Variants in GTF2E2 observed in about 807,000 individuals in gnomAD.
GTF2E2 encodes the protein general transcription factor IIE subunit 2.
GTF2E2 carries 21 observed loss-of-function variants against 40.5 expected under a neutral mutation model. The ratio of observed to expected loss-of-function variants is 0.52; its 90% CI spans 0.37 to 0.75. The LOEUF (loss-of-function observed/expected upper bound fraction) is 0.75. Among genes scored for constraint, GTF2E2 ranks in the 30% least tolerant of loss-of-function variants. The pLI is 0.00. For synonymous variants in GTF2E2, 117 were observed against 121.6 expected (o/e 0.96, Z 0.25); for missense variants, 298 against 338.4 (o/e 0.88, Z 0.94).
At chr8:30,613,299 C>G (rs953361026) in intron 4 of GTF2E2, among the ~76,000 whole-genome samples, 6 of 152,138 alleles carry the variant, frequency 3.9e-5, no homozygotes, top group African/African-American at 1.4e-4. Context: ...CTGAAAAGGA[C>G]CAGACTAGTG....
At position 30,653,646 on chromosome 8, in the gene GTF2E2, T is replaced by C. The variant is rs562283023; in HGVS notation, c.-4-44A>G. The C allele has an allele frequency of 7.9e-6, 11 of 1,389,126 alleles. No homozygotes were observed. In the South Asian group the frequency reaches 1.3e-4, roughly 17 times the overall value. 86.1% of individuals were successfully genotyped at this position (1,389,126 alleles called of 1,614,324 possible). A position where few individuals can be genotyped will look rare whatever the true frequency, so the allele number is the denominator to read the frequency against. On this transcript the variant is annotated intron_variant, in intron 1 of 7. Coordinates refer to ENST00000355904, the MANE Select transcript of GTF2E2 (RefSeq NM_002095.6). ...TGTCTTTAATACAAATTCAAGTCAC[T>C]CAAACCTGCACTCCAAATCCACAGA... is the stretch of plus-strand genomic sequence containing the variant.
chr8:30,630,032 T>C lies in GTF2E2; in HGVS notation c.258+5000A>G, dbSNP rs1015767359. ...ATCCTAAGGGGATTTTCGAGATAAC[T>C]TGGAGTGCTTTTAAAACTTACTCCT... On this transcript the variant is annotated intron_variant, in intron 3 of 7. Transcript: ENST00000355904. 3.9e-5 allele frequency among the ~76,000 whole-genome samples: 6 copies of C among 152,238 alleles called. No individual in the cohort carries two copies. In the East Asian group the frequency reaches 9.6e-4, roughly 24 times the overall value.
At chr8:30,647,805 C>T (rs937464801) in intron 2 of GTF2E2, among the ~76,000 whole-genome samples, 6 of 152,152 alleles carry the variant, frequency 3.9e-5, no homozygotes, top group Non-Finnish European at 7.4e-5. Context: ...GGTAAGTATA[C>T]AAGTCCTTTA....
intron 3 of GTF2E2, among the ~76,000 whole-genome samples, chr8:30,630,145 G>A (rs1412569554): frequency 6.6e-6 from 1 of 152,058 alleles, no homozygotes; most frequent in Admixed American, 6.6e-5. Flanking sequence ...TCTTAACCAG[G>A]TCACTGAACA....
chr8:30,616,510 G>C (rs947828910), intron 3 of GTF2E2, among the ~76,000 whole-genome samples: 7 of 152,050 alleles, frequency 4.6e-5, no homozygotes, highest in Non-Finnish European at 7.4e-5. Flanking sequence ...GGGAGAGGAT[G>C]AACAAGCAGA....
chr8:30,622,068 T>C (rs1200902884), intron 3 of GTF2E2, among the ~76,000 whole-genome samples: 2 of 151,814 alleles, frequency 1.3e-5, no homozygotes, highest in East Asian at 3.9e-4. Flanking sequence ...TGGTGTGCTG[T>C]ACCCACTAAC....
chr8:30,606,051 G>C (rs1563483578), intron 6 of GTF2E2, among the ~76,000 whole-genome samples: 1 of 152,174 alleles, frequency 6.6e-6, no homozygotes, highest in Non-Finnish European at 1.5e-5. Flanking sequence ...AAATCGCCAG[G>C]CAGTACTGAA....
rs533700897 is a variant in GTF2E2 at position 30,622,608 on chromosome 8, C to T, written c.259-7893G>A. Among the ~76,000 whole-genome samples, 12 of 152,094 alleles carry T rather than the reference C, an allele frequency of 7.9e-5. No homozygotes were observed. The South Asian group carries it at 2.5e-3, about 32-fold the overall frequency. ...ACCAAAATTTATTGGGCGGGAATTT[C>T]CTCGTCCTAATAAGCCTGGGAGCAC... is the stretch of plus-strand genomic sequence containing the variant. On this transcript the variant is annotated intron_variant, in intron 3 of 7. Coordinates refer to ENST00000355904, the MANE Select transcript of GTF2E2 (RefSeq NM_002095.6).
rs1563513732 is a variant in GTF2E2, at chr8:30,653,538, CAGG to C, written c.58_60del (p.Pro20del). 3 of 1,613,238 alleles carry C rather than the reference CAGG, an allele frequency of 1.9e-6. No individual in the cohort carries two copies. Among genetic ancestry groups the C allele is most frequent in the Non-Finnish European group, 2.5e-6 (3 of 1,179,274 alleles). On this transcript the variant is annotated inframe_deletion, in exon 2 of 8. Coordinates refer to ENST00000355904, the MANE Select transcript of GTF2E2 (RefSeq NM_002095.6). ...GAAGATGCTGAACGTTTTTCTACTACAGGAGTAGAAAGAGCTCGTTTTTTGAAC... is the reference window on the plus strand; with the variant it reads ...GAAGATGCTGAACGTTTTTCTACTACAGTAGAAAGAGCTCGTTTTTTGAAC...
At chr8:30,631,823 T>C (rs1801444480) in intron 3 of GTF2E2, among the ~76,000 whole-genome samples, 1 of 152,188 alleles carries the variant, frequency 6.6e-6, no homozygotes, top group Non-Finnish European at 1.5e-5. Context: ...AGGCCAGGTC[T>C]AGTGGCTCAC....
intron 3 of GTF2E2, among the ~76,000 whole-genome samples, chr8:30,622,669 C>T (rs539329715): frequency 2.0e-5 from 3 of 152,076 alleles, no homozygotes; most frequent in South Asian, 4.1e-4. Context: ...CCCTACAGCT[C>T]GACCATAGAA....
At position 30,652,532 on chromosome 8, in the gene GTF2E2, T is replaced by C. The variant is rs773664524; in HGVS notation, c.166+901A>G. On this transcript the variant is annotated intron_variant, in intron 2 of 7. Coordinates refer to ENST00000355904, the MANE Select transcript of GTF2E2 (RefSeq NM_002095.6). ...CCACAATGATAGAACTTCACAACTA[T>C]AGAAATAGCTATGATTAAAAAAAAA... is the stretch of plus-strand genomic sequence containing the variant. Among the ~76,000 whole-genome samples the C allele has an allele frequency of 6.9e-5, 10 of 145,024 alleles. No homozygotes were observed. The South Asian group carries it at 7.0e-4, about 10-fold the overall frequency.
intron 3 of GTF2E2, among the ~76,000 whole-genome samples, chr8:30,628,702 C>T (rs1308992518): frequency 1.3e-5 from 2 of 152,158 alleles, no homozygotes; most frequent in East Asian, 3.8e-4. Context: ...GAGGCCGAGG[C>T]AGGCAGATCA....
chr8:30,582,021 T>C (rs2151105326), intron 6 of GTF2E2, among the ~76,000 whole-genome samples: 1 of 152,300 alleles, frequency 6.6e-6, no homozygotes, highest in South Asian at 2.1e-4. Flanking sequence ...TTAAAATTTA[T>C]TTATTTTTGA....
In GTF2E2 at chr8:30,578,723, A is replaced by G. The variant is rs1009572552; in HGVS notation, c.*198T>C. ...TCCCAGGGAGTAACAGAAGGTTAACAGGGAACATCACATTGCCCATGAGCC... is the reference window on the plus strand; with the variant it reads ...TCCCAGGGAGTAACAGAAGGTTAACGGGGAACATCACATTGCCCATGAGCC... On this transcript the variant is annotated 3_prime_UTR_variant, in exon 8 of 8. Transcript: ENST00000355904. 2.0e-6 allele frequency: 1 copy of G among 490,788 alleles called. No homozygotes were observed. The highest frequency in any genetic ancestry group is 1.9e-5 in the African/African-American group (1 of 51,376). 30.4% of individuals were successfully genotyped at this position (490,788 alleles called of 1,614,324 possible). A position where few individuals can be genotyped will look rare whatever the true frequency, so the allele number is the denominator to read the frequency against.
intron 3 of GTF2E2, among the ~76,000 whole-genome samples, chr8:30,622,833 C>G (rs1420801285): frequency 1.3e-5 from 2 of 152,096 alleles, no homozygotes; most frequent in Non-Finnish European, 2.9e-5. Context: ...CCCGGCTCAC[C>G]GGTGGTCAGA....
intron 2 of GTF2E2, among the ~76,000 whole-genome samples, chr8:30,646,609 G>C (rs1802084887): frequency 6.6e-6 from 1 of 152,004 alleles, no homozygotes; most frequent in African/African-American, 2.4e-5. Context: ...TTTTACAATG[G>C]CATTACTCAA....
intron 6 of GTF2E2, among the ~76,000 whole-genome samples, chr8:30,600,755 C>A (rs1465135432): frequency 6.6e-6 from 1 of 152,158 alleles, no homozygotes; most frequent in Non-Finnish European, 1.5e-5. Context: ...CTGCCTAGGT[C>A]CAACTACTCT....
intron 6 of GTF2E2, among the ~76,000 whole-genome samples, chr8:30,581,215 G>A (rs1828507302): frequency 1.3e-5 from 2 of 152,286 alleles, no homozygotes; most frequent in Non-Finnish European, 2.9e-5. Context: ...GAGCCCCGAG[G>A]CTTCACAGAG....
Sources: allele counts gnomAD v4.1 joint callset (sites outside exome capture counted in the v4.1 genomes callset), GRCh38; gene constraint gnomAD v4.1.1; transcripts MANE v1.5; gene names NCBI Gene and HGNC (gene_info 2026-07-23, HGNC 2026-07-21).